The following DISP3 variants were observed in gnomAD, a reference collection of about 807,000 sequenced individuals.
DISP3 encodes the protein protein dispatched homolog 3.
Under a neutral mutation model 135.3 loss-of-function variants are expected in DISP3, and 101 were observed. The ratio of observed to expected loss-of-function variants is 0.75; its 90% CI spans 0.64 to 0.88. The LOEUF (loss-of-function observed/expected upper bound fraction) is 0.88, where lower values mean the gene tolerates loss of function less well. DISP3 is among the 40% of genes least tolerant of loss of function. The pLI is 0.00. For synonymous variants in DISP3, 856 were observed against 817.0 expected (o/e 1.05, Z -0.81); for missense variants, 1,713 against 1,878.6 (o/e 0.91, Z 1.63).
intron 1 of DISP3, among the ~76,000 whole-genome samples, chr1:11,486,911 T>C (rs1641052480): frequency 6.6e-6 from 1 of 152,160 alleles, no homozygotes; most frequent in African/African-American, 2.4e-5. Context: ...ACTCCTGGGC[T>C]CAAGTGATCT....
intron 10 of DISP3, among the ~76,000 whole-genome samples, chr1:11,521,926 G>A (rs988421041): frequency 3.9e-5 from 6 of 152,164 alleles, no homozygotes; most frequent in East Asian, 1.9e-4. Flanking sequence ...CCCAGGTGCT[G>A]TGTGGAGGTG....
At chr1:11,488,205 G>T (rs1359532539) in intron 1 of DISP3, among the ~76,000 whole-genome samples, 2 of 152,032 alleles carry the variant, frequency 1.3e-5, no homozygotes, top group Non-Finnish European at 2.9e-5. Flanking sequence ...AGTTGGAGGG[G>T]GTCAGTACTT....
intron 19 of DISP3, 117 bp from the exon 20 acceptor site, chr1:11,535,361 C>T (rs1219836614): frequency 9.3e-6 from 13 of 1,396,238 alleles, no homozygotes; most frequent in South Asian, 5.4e-5. Context: ...GGGGTCCCCT[C>T]GGTGTGCCTT....
chr1:11,519,483 T>C lies in DISP3; in HGVS notation c.2018T>C (p.Leu673Pro), dbSNP rs1206504216. Residue 673 changes from leucine (L) to proline (P), a missense_variant, in exon 8 of 21, where the codon CTG (leucine) becomes CCG (proline). Physicochemically the swap from Leu to Pro is moderately conservative, Grantham distance 98. Around this residue, in one of 2 missense-constraint regions of DISP3, gnomAD observed 1,142 missense variants for 1,384.6 expected, o/e 0.82. Coordinates refer to ENST00000294484, the MANE Select transcript of DISP3 (RefSeq NM_020780.2). The surrounding 1 kb of genome is among the most constrained non-coding windows in gnomAD (Gnocchi z 4.3). ...TACCTGGATGATGACATCCCCTTGC[T>C]GGAGGTCGAGGAAGAGCCAGGTGAG... The part of the protein sequence containing the change: ...IPYLDDDIPL[L>P]EVEEEPVSLE... 1.2e-6 allele frequency: 2 copies of C among 1,613,652 alleles called. No individual in the cohort carries two copies. The highest frequency in any genetic ancestry group is 1.7e-6 in the Non-Finnish European group (2 of 1,180,002).
rs1641191222 is a variant in DISP3 at position 11,491,810 on chromosome 1, T to C, written c.-3-9180T>C. ...ACCTGCCTACAGCAGGGGCCAGTCC[T>C]GGGCTCTGGCTGGCTAAGAAGTTAA... On this transcript the variant is annotated intron_variant, in intron 1 of 20. Coordinates refer to ENST00000294484, the MANE Select transcript of DISP3 (RefSeq NM_020780.2). This position sits in a 1 kb window ranked among gnomAD's most constrained non-coding sequence, Gnocchi z 4.3. 6.6e-6 allele frequency among the ~76,000 whole-genome samples: 1 copy of C among 152,154 alleles called. No individual in the cohort carries two copies. Among genetic ancestry groups the C allele is most frequent in the Admixed American group, 6.5e-5 (1 of 15,280 alleles).
chr1:11,522,682 G>GGACCC (rs1329091076), intron 10 of DISP3, among the ~76,000 whole-genome samples: 2 of 132,452 alleles, frequency 1.5e-5, no homozygotes, highest in African/African-American at 5.8e-5. Context: ...GACCCAGCCA[G>GGACCC]AGCCCAGCCA....
intron 1 of DISP3, among the ~76,000 whole-genome samples, chr1:11,493,552 C>T (rs916438099): frequency 5.9e-5 from 9 of 152,018 alleles, no homozygotes; most frequent in African/African-American, 1.7e-4. Flanking sequence ...GGCGAAACCC[C>T]GTCTCTACTA....
rs1458049099 is a variant in DISP3 at position 11,519,222 on chromosome 1, TG to T, written c.1890-129del. On this transcript the variant is annotated intron_variant, in intron 7 of 20. Transcript: ENST00000294484. This position sits in a 1 kb window ranked among gnomAD's most constrained non-coding sequence, Gnocchi z 4.3. ...ACCAGGTGACCAGCTCCCAGAAGTCTGGGGTGCTCATCCTGTGTGTGACGTC... is the reference window on the plus strand; with the variant it reads ...ACCAGGTGACCAGCTCCCAGAAGTCTGGGTGCTCATCCTGTGTGTGACGTC... The T allele has an allele frequency of 9.0e-7, 1 of 1,113,632 alleles. No homozygotes were observed. The highest frequency in any genetic ancestry group is 2.4e-5 in the East Asian group (1 of 41,626). The allele number at this position is 1,113,632 out of a possible 1,614,324, so 69.0% of individuals were successfully genotyped here. A position where few individuals can be genotyped will look rare whatever the true frequency, so the allele number is the denominator to read the frequency against.
In DISP3 at chr1:11,516,222, T is replaced by A; in HGVS notation, c.1749+61T>A. 1 of 1,568,970 alleles carries A rather than the reference T, an allele frequency of 6.4e-7. No individual in the cohort carries two copies. Among genetic ancestry groups the A allele is most frequent in the African/African-American group, 1.3e-5 (1 of 74,448 alleles). ...CACACGCTCATGCATACCTAGCCGC[T>A]GGTCTCTGCCCTTCCCACCACCGCT... On this transcript the variant is annotated intron_variant, in intron 6 of 20. Transcript: ENST00000294484. The surrounding 1 kb of genome is among the most constrained non-coding windows in gnomAD (Gnocchi z 5.1).
In DISP3 at chr1:11,501,155, CCCCCAG is replaced by C; in HGVS notation, c.165_170del (p.Pro56_Ala57del). On this transcript the variant is annotated inframe_deletion, in exon 2 of 21. Transcript: ENST00000294484. The surrounding 1 kb of genome is among the most constrained non-coding windows in gnomAD (Gnocchi z 4.9). ...GCGGCACTGGCCCCTGGCTTCCCGA[CCCCCAG>C]CTTCGGGCTTCTGGAGTACCCTGGG... is the stretch of plus-strand genomic sequence containing the variant. 6.2e-7 allele frequency: 1 copy of C among 1,613,914 alleles called. No homozygotes were observed. Among genetic ancestry groups the C allele is most frequent in the South Asian group, 1.1e-5 (1 of 91,056 alleles).
chr1:11,501,394 G>C lies in DISP3; in HGVS notation c.402G>C (p.Gly134=), dbSNP rs1297615531. The change falls in exon 2 of 21, where the codon GGG becomes GGC. Residue 134 remains glycine, a synonymous_variant. Transcript: ENST00000294484. The surrounding 1 kb of genome is among the most constrained non-coding windows in gnomAD (Gnocchi z 4.9). ...TTAAGTCCCAGTTTGGATCCTGGGGGCGGAACCGGCGCGATTTGGCCGACT... is the reference window on the plus strand; with the variant it reads ...TTAAGTCCCAGTTTGGATCCTGGGGCCGGAACCGGCGCGATTTGGCCGACT... ...LALKSQFGSW[G]RNRRDLADFT... is the part of the protein sequence containing the mutation. 1 of 1,601,488 alleles carries C rather than the reference G, an allele frequency of 6.2e-7. No individual in the cohort carries two copies. The highest frequency in any genetic ancestry group is 1.1e-5 in the South Asian group (1 of 89,372).
Position 11,501,908 on chromosome 1 carries a change from A to C in DISP3, c.916A>C (p.Met306Leu). Residue 306 changes from methionine to leucine, a missense_variant, in exon 2 of 21, where the codon ATG (methionine) becomes CTG (leucine). By Grantham distance (15) the Met-to-Leu change is conservative. Coordinates refer to ENST00000294484, the MANE Select transcript of DISP3 (RefSeq NM_020780.2). This position sits in a 1 kb window ranked among gnomAD's most constrained non-coding sequence, Gnocchi z 4.9. ...GATCCATGAGATCGAGCGCAAGATC[A>C]TGGACCACCCAGGCTTCCGGGAGTT... ...VTIHEIERKI[M>L]DHPGFREFCW... The C allele has an allele frequency of 2.5e-6, 4 of 1,613,550 alleles. No individual in the cohort carries two copies. Among genetic ancestry groups the C allele is most frequent in the Non-Finnish European group, 3.4e-6 (4 of 1,179,870 alleles).
At chr1:11,480,233 G>T (rs886798876) in intron 1 of DISP3, among the ~76,000 whole-genome samples, 1 of 152,144 alleles carries the variant, frequency 6.6e-6, no homozygotes, top group African/African-American at 2.4e-5. Flanking sequence ...CTGCGCGCAG[G>T]TCTCCGTCAG....
At position 11,521,261 on chromosome 1, in the gene DISP3, G is replaced by A. The variant is rs568012198; in HGVS notation, c.2362+413G>A. 2.2e-3 allele frequency among the ~76,000 whole-genome samples: 291 copies of A among 134,134 alleles called. 2 individuals carry two copies. Among genetic ancestry groups the A allele is most frequent in the South Asian group, 2.6e-3 (10 of 3,834 alleles). The allele number at this position is 134,134 out of a possible 152,430, so 88.0% of individuals were successfully genotyped here. A position where few individuals can be genotyped will look rare whatever the true frequency, so the allele number is the denominator to read the frequency against. The stretch of plus-strand genomic sequence containing the variant: ...TAGCCAGGCTGGGAGGGGAGAGGAG[G>A]AAAGAAGAGGGGTCAACCAGGTGGG... On this transcript the variant is annotated intron_variant, in intron 10 of 20. Coordinates refer to ENST00000294484, the MANE Select transcript of DISP3 (RefSeq NM_020780.2).
At chr1:11,526,094 C>T (rs1570139999) in intron 12 of DISP3, among the ~76,000 whole-genome samples, 1 of 152,308 alleles carries the variant, frequency 6.6e-6, no homozygotes, top group Non-Finnish European at 1.5e-5. Flanking sequence ...TTCATTTGTT[C>T]AGGATTTATA....
Position 11,519,547 on chromosome 1 carries a change from C to T in DISP3, c.2038+44C>T, listed in dbSNP as rs150474250. ...CTGCCCTACTGACCCCAGTGAGACC[C>T]AGCGCTGCCTCTGCCAGGGGAGTAA... On this transcript the variant is annotated intron_variant, in intron 8 of 20. Coordinates refer to ENST00000294484, the MANE Select transcript of DISP3 (RefSeq NM_020780.2). This position sits in a 1 kb window ranked among gnomAD's most constrained non-coding sequence, Gnocchi z 4.3. The T allele has an allele frequency of 6.0e-5, 97 of 1,603,320 alleles. 1 individual carries two copies. In the East Asian group the frequency reaches 2.0e-3, roughly 33 times the overall value.
Position 11,516,238 on chromosome 1 carries a change from C to T in DISP3, c.1749+77C>T, listed in dbSNP as rs1402434931. 4.6e-6 allele frequency: 7 copies of T among 1,531,154 alleles called. No homozygotes were observed. Among genetic ancestry groups the T allele is most frequent in the Non-Finnish European group, 6.2e-6 (7 of 1,123,918 alleles). The allele number at this position is 1,531,154 out of a possible 1,614,324, so 94.8% of individuals were successfully genotyped here. ...CCTAGCCGCTGGTCTCTGCCCTTCCCACCACCGCTTGAGTGGCCATATAGC... is the reference window on the plus strand; with the variant it reads ...CCTAGCCGCTGGTCTCTGCCCTTCCTACCACCGCTTGAGTGGCCATATAGC... On this transcript the variant is annotated intron_variant, in intron 6 of 20. Transcript: ENST00000294484. The surrounding 1 kb of genome is among the most constrained non-coding windows in gnomAD (Gnocchi z 5.1).
chr1:11,530,539 G>C (rs1175197964), intron 15 of DISP3, among the ~76,000 whole-genome samples: 1 of 152,110 alleles, frequency 6.6e-6, no homozygotes, highest in Non-Finnish European at 1.5e-5. Flanking sequence ...AGTCCACACT[G>C]GGTGTCTGCA....
Position 11,516,575 on chromosome 1 carries a change from A to G in DISP3, c.1749+414A>G, listed in dbSNP as rs1021301548. On this transcript the variant is annotated intron_variant, in intron 6 of 20. Transcript: ENST00000294484. This position sits in a 1 kb window ranked among gnomAD's most constrained non-coding sequence, Gnocchi z 5.1. ...AGCAGATAAGTGAGAAGCCTGACCA[A>G]GTCCATAGTGATTCCCCTTCTGCCT... Among the ~76,000 whole-genome samples the G allele has an allele frequency of 2.0e-5, 3 of 152,222 alleles. No homozygotes were observed. The highest frequency in any genetic ancestry group is 7.2e-5 in the African/African-American group (3 of 41,454).
Sources: gnomAD v4.1 joint callset for allele counts (sites outside exome capture counted in the v4.1 genomes callset) on GRCh38, gnomAD v4.1.1 for gene constraint, gnomAD v4.1.1 regional missense constraint, Gnocchi (gnomAD v3.1) non-coding constraint, MANE v1.5 for transcripts, NCBI Gene and HGNC (gene_info 2026-07-23, HGNC 2026-07-21) for gene names.